TMEM47: variants seen among roughly 807,000 people sequenced by gnomAD.
TMEM47 encodes brain cell membrane protein 1.
TMEM47 carries 3 observed loss-of-function variants against 12.4 expected under a neutral mutation model. The observed-to-expected ratio is 0.24, with a 90% CI of 0.11 to 0.63. TMEM47 has a LOEUF of 0.63. TMEM47 is among the 20% of genes least tolerant of loss of function. The pLI is 0.86. For missense variants in TMEM47, 89 were observed against 143.8 expected, an observed-to-expected ratio of 0.62 and a Z score of 1.95; for synonymous variants, 62 against 63.3, an observed-to-expected ratio of 0.98 and a Z score of 0.10.
chrX:34,636,335 C>T (rs1003261107), intron 2 of TMEM47, among the ~76,000 whole-genome samples: 4 of 111,518 alleles, frequency 3.6e-5, no homozygotes, highest in Non-Finnish European at 7.5e-5. Flanking sequence ...TAAAAACAAT[C>T]CTTATAGGAG....
chrX:34,655,008 G>C (rs1168653434), intron 1 of TMEM47, among the ~76,000 whole-genome samples: 1 of 111,442 alleles, frequency 9.0e-6, no homozygotes, highest in Non-Finnish European at 1.9e-5. Context: ...TGACTAGAGA[G>C]GAAAAAAGCT....
chrX:34,655,406 C>T, intron 1 of TMEM47, among the ~76,000 whole-genome samples: 1 of 111,448 alleles, frequency 9.0e-6, no homozygotes, highest in Non-Finnish European at 1.9e-5. Context: ...AACTGCCAAC[C>T]CTGAAAGAAT....
At chrX:34,656,781 G>T in intron 1 of TMEM47, 23 bp downstream of exon 1, 1 of 1,159,417 alleles carries the variant, frequency 8.6e-7, no homozygotes, top group South Asian at 1.9e-5. Flanking sequence ...GGAGGCAGGG[G>T]TCGCGGCGCG....
chrX:34,656,385 G>A (rs1046909249), intron 1 of TMEM47, among the ~76,000 whole-genome samples: 1 of 109,703 alleles, frequency 9.1e-6, no homozygotes, highest in Admixed American at 9.7e-5. Flanking sequence ...AAAGAGTGGG[G>A]AAGACCGAAC....
At chrX:34,631,543 G>A (rs1921626055) in intron 2 of TMEM47, among the ~76,000 whole-genome samples, 1 of 111,810 alleles carries the variant, frequency 8.9e-6, no homozygotes, top group Non-Finnish European at 1.9e-5. Context: ...AGTCGATAAA[G>A]GCAAGAGAGA....
chrX:34,648,699 T>C (rs1373687882), intron 1 of TMEM47, among the ~76,000 whole-genome samples: 2 of 110,950 alleles, frequency 1.8e-5, no homozygotes, highest in African/African-American at 3.3e-5. Context: ...AATTGAAAAA[T>C]TGGATAAATT....
At chrX:34,635,153 C>T (rs1921693733) in intron 2 of TMEM47, among the ~76,000 whole-genome samples, 1 of 111,471 alleles carries the variant, frequency 9.0e-6, no homozygotes. Context: ...TTGATTATAA[C>T]CGACATTTCT....
chrX:34,630,070 GA>G lies in TMEM47; in HGVS notation c.*242del, dbSNP rs946916418. On this transcript the variant is annotated 3_prime_UTR_variant, in exon 3 of 3. Coordinates refer to ENST00000275954, the MANE Select transcript of TMEM47 (RefSeq NM_031442.4). ...CTTCATTTGTCAAGAAAAACGATAT[GA>G]ACATATTGGAAGTTTGCAGCATTTG... The G allele has an allele frequency of 1.0e-5, 3 of 294,253 alleles. No individual in the cohort carries two copies. The highest frequency in any genetic ancestry group is 8.0e-5 in the African/African-American group (3 of 37,523). The allele number at this position is 294,253 out of a possible 1,213,427, so 24.2% of individuals were successfully genotyped here.
intron 1 of TMEM47, 67 bp from the exon 2 acceptor site, chrX:34,639,454 C>T (rs1048509344): frequency 1.9e-6 from 2 of 1,054,789 alleles, no homozygotes; most frequent in African/African-American, 3.7e-5. Flanking sequence ...CTATGTTCAG[C>T]AGCCTTCACC....
At chrX:34,639,200 G>T in intron 2 of TMEM47, 47 bp downstream of exon 2, 3 of 1,148,003 alleles carry the variant, frequency 2.6e-6, no homozygotes, top group Non-Finnish European at 3.5e-6. Context: ...ATGGTAGAAA[G>T]GTTCATGAAA....
At position 34,657,245 on chromosome X, in the gene TMEM47, T is replaced by G. The variant is rs2147144213; in HGVS notation, c.-216A>C. 7.1e-6 allele frequency: 3 copies of G among 424,919 alleles called. No individual in the cohort carries two copies. Among genetic ancestry groups the G allele is most frequent in the East Asian group, 6.2e-5 (1 of 16,070 alleles). The allele number at this position is 424,919 out of a possible 1,213,427, so 35.0% of individuals were successfully genotyped here. ...TCGTCGGCAGCCGCAGCGACGTCGA[T>G]TCCACCCCGGACCTTCGCCGCCGGC... On this transcript the variant is annotated 5_prime_UTR_variant, in exon 1 of 3. Coordinates refer to ENST00000275954, the MANE Select transcript of TMEM47 (RefSeq NM_031442.4).
At chrX:34,656,755 G>A (rs1304253825) in intron 1 of TMEM47, 49 bp downstream of exon 1, 80 of 1,143,905 alleles carry the variant, frequency 7.0e-5, no homozygotes, top group African/African-American at 9.1e-5. Context: ...AGTGGGGCGC[G>A]GGGCAGTCCG....
intron 1 of TMEM47, among the ~76,000 whole-genome samples, chrX:34,640,871 T>C (rs1921804141): frequency 8.9e-6 from 1 of 111,778 alleles, no homozygotes; most frequent in Admixed American, 9.5e-5. Context: ...GAACTTGCAC[T>C]GCAATCAAGA....
At chrX:34,650,556 AG>A (rs1309434794) in intron 1 of TMEM47, among the ~76,000 whole-genome samples, 1 of 112,171 alleles carries the variant, frequency 8.9e-6, no homozygotes, top group Non-Finnish European at 1.9e-5. Flanking sequence ...ACAAAGGAAA[AG>A]GAAACAAACA....
At chrX:34,650,753 G>C (rs1922003992) in intron 1 of TMEM47, among the ~76,000 whole-genome samples, 1 of 112,048 alleles carries the variant, frequency 8.9e-6, no homozygotes, top group South Asian at 3.7e-4. Flanking sequence ...TAATCAGTTT[G>C]AGCCTTGGTT....
chrX:34,638,758 T>G (rs952725988), intron 2 of TMEM47, among the ~76,000 whole-genome samples: 2 of 112,271 alleles, frequency 1.8e-5, no homozygotes, highest in Admixed American at 9.5e-5. Context: ...GTTGATAAAT[T>G]AATTAACATA....
chrX:34,636,116 C>A (rs4320691), intron 2 of TMEM47, among the ~76,000 whole-genome samples: 26,379 of 110,881 alleles, frequency 0.24, 2,704 homozygotes, highest in East Asian at 0.63. Flanking sequence ...AACATGTAAT[C>A]TAAATATCCT....
intron 1 of TMEM47, among the ~76,000 whole-genome samples, chrX:34,643,576 G>C (rs2147140058): frequency 8.9e-6 from 1 of 111,806 alleles, no homozygotes; most frequent in Admixed American, 9.5e-5. Flanking sequence ...TCCAATTATA[G>C]CCTTCACAGT....
chrX:34,636,211 A>G (rs1921713435), intron 2 of TMEM47, among the ~76,000 whole-genome samples: 1 of 111,415 alleles, frequency 9.0e-6, no homozygotes, highest in Non-Finnish European at 1.9e-5. Context: ...GGTTCCAGCT[A>G]TCTCACTGTG....
Sources: gnomAD v4.1 joint callset for allele counts (sites outside exome capture counted in the v4.1 genomes callset) on GRCh38, gnomAD v4.1.1 for gene constraint, MANE v1.5 for transcripts, NCBI Gene and HGNC (gene_info 2026-07-23, HGNC 2026-07-21) for gene names.